Variants in SH3PXD2B observed in about 807,000 individuals in gnomAD.
SH3PXD2B encodes the protein SH3 and PX domain-containing protein 2B.
In SH3PXD2B, 37 loss-of-function variants were observed where a neutral mutation model predicts 73.1. The observed-to-expected ratio is 0.51, with a 90% CI of 0.39 to 0.67. The LOEUF is 0.67. Among genes scored for constraint, SH3PXD2B ranks in the 30% least tolerant of loss-of-function variants. The pLI, the probability that SH3PXD2B is intolerant of heterozygous loss-of-function variation, is 0.00. For synonymous variants in SH3PXD2B, 457 were observed against 480.5 expected, an observed-to-expected ratio of 0.95 and a Z score of 0.64; for missense variants, 1,053 against 1,197.8, an observed-to-expected ratio of 0.88 and a Z score of 1.78.
intron 2 of SH3PXD2B, among the ~76,000 whole-genome samples, chr5:172,413,961 G>C (rs115363566): frequency 0.011 from 1,615 of 152,302 alleles, 35 homozygotes; most frequent in African/African-American, 0.037. Context: ...TGCTGGGAAG[G>C]CTTCCCGGCC....
chr5:172,339,930 T>C lies in SH3PXD2B; in HGVS notation c.1189-14A>G. 1 of 1,614,148 alleles carries C rather than the reference T, an allele frequency of 6.2e-7. No homozygotes were observed. Among genetic ancestry groups the C allele is most frequent in the African/African-American group, 1.3e-5 (1 of 75,048 alleles). ...TTTCTCGATCACCTGCAAGGGAGGA[T>C]AGAGAAAGGCACTTGGCTACGATGC... is the stretch of plus-strand genomic sequence containing the variant. On this transcript the variant is annotated splice_polypyrimidine_tract_variant and intron_variant, in intron 12 of 12. Coordinates refer to ENST00000311601, the MANE Select transcript of SH3PXD2B (RefSeq NM_001017995.3). The surrounding 1 kb of genome is among the most constrained non-coding windows in gnomAD (Gnocchi z 6.1).
chr5:172,368,987 T>C (rs1757641185), intron 6 of SH3PXD2B, among the ~76,000 whole-genome samples: 1 of 149,328 alleles, frequency 6.7e-6, no homozygotes, highest in Non-Finnish European at 1.5e-5. Flanking sequence ...CACTGCCTCC[T>C]GGGTTCAAGC....
intron 3 of SH3PXD2B, among the ~76,000 whole-genome samples, chr5:172,395,023 C>T (rs986919378): frequency 4.6e-5 from 7 of 152,142 alleles, no homozygotes; most frequent in African/African-American, 1.7e-4. Context: ...GACAAACAGA[C>T]ATGCCCTCAG....
intron 6 of SH3PXD2B, among the ~76,000 whole-genome samples, chr5:172,367,111 A>AT (rs1757547841): frequency 6.8e-6 from 1 of 147,860 alleles, no homozygotes; most frequent in Admixed American, 6.8e-5. Context: ...TAATTTTCGT[A>AT]TTTTTAGTAG....
At chr5:172,368,456 T>TATATATATATATTTTATATATATATAAA (rs1757575273) in intron 6 of SH3PXD2B, among the ~76,000 whole-genome samples, 1 of 42,620 alleles carries the variant, frequency 2.3e-5, no homozygotes, top group Non-Finnish European at 4.4e-5. Context: ...AGAATGCTTA[T>TATATATATATATTTTATATATATATAAA]ATATATATAT....
intron 2 of SH3PXD2B, among the ~76,000 whole-genome samples, chr5:172,411,143 C>T (rs1209418220): frequency 2.6e-5 from 4 of 152,130 alleles, no homozygotes; most frequent in Non-Finnish European, 4.4e-5. Context: ...TTTTGCCTAA[C>T]ACTATCTACT....
intron 8 of SH3PXD2B, among the ~76,000 whole-genome samples, chr5:172,357,097 TAA>T (rs1302961856): frequency 1.6e-4 from 16 of 101,372 alleles, no homozygotes; most frequent in African/African-American, 5.5e-4. Context: ...CCAGCCTGAG[TAA>T]CAGAGTGAGA....
intron 5 of SH3PXD2B, among the ~76,000 whole-genome samples, chr5:172,379,410 C>T (rs1581291053): frequency 6.6e-6 from 1 of 152,058 alleles, no homozygotes; most frequent in Non-Finnish European, 1.5e-5. Context: ...CAGGAAGTGG[C>T]CTTCACCAGG....
rs71609710 is a variant in SH3PXD2B at position 172,377,071 on chromosome 5, G to A, written c.402-3256C>T. 2.6e-3 allele frequency among the ~76,000 whole-genome samples: 402 copies of A among 152,306 alleles called. 1 individual carries two copies. Among genetic ancestry groups the A allele is most frequent in the Non-Finnish European group, 3.8e-3 (257 of 68,012 alleles). ...GAGCCGTGGTCTGGGCTTAAGACCC[G>A]GGCTCCTGCTGAGCCATGCACCCCT... is the stretch of plus-strand genomic sequence containing the variant. On this transcript the variant is annotated intron_variant, in intron 5 of 12. Transcript: ENST00000311601.
At chr5:172,428,783 T>C (rs1245668044) in intron 1 of SH3PXD2B, among the ~76,000 whole-genome samples, 1 of 152,172 alleles carries the variant, frequency 6.6e-6, no homozygotes, top group East Asian at 1.9e-4. Flanking sequence ...TAGGTTCTAA[T>C]TTACAACAAA....
chr5:172,394,109 A>G (rs1020261015), intron 4 of SH3PXD2B, among the ~76,000 whole-genome samples: 2 of 151,984 alleles, frequency 1.3e-5, no homozygotes, highest in Admixed American at 1.3e-4. Context: ...ACACCTGGCT[A>G]ATTTTTGTAT....
intron 4 of SH3PXD2B, among the ~76,000 whole-genome samples, chr5:172,394,289 G>A (rs1334626420): frequency 6.6e-6 from 1 of 152,104 alleles, no homozygotes; most frequent in Non-Finnish European, 1.5e-5. Context: ...TAATAATTAT[G>A]GCAAAAGAGA....
At chr5:172,329,600 C>A (rs1331654708), downstream of SH3PXD2B, among the ~76,000 whole-genome samples, 13 of 137,748 alleles carry the variant, frequency 9.4e-5, no homozygotes, top group African/African-American at 3.3e-4. Context: ...TGCAGTGGCG[C>A]GATCTCGGCT....
At chr5:172,374,196 C>T (rs1395145813) in intron 5 of SH3PXD2B, among the ~76,000 whole-genome samples, 1 of 152,112 alleles carries the variant, frequency 6.6e-6, no homozygotes, top group Non-Finnish European at 1.5e-5. Context: ...TCCCCTAAGC[C>T]ATAGACATGG....
chr5:172,406,538 C>A (rs1417874076), intron 2 of SH3PXD2B, among the ~76,000 whole-genome samples, 186 bp from the exon 3 acceptor site: 1 of 152,134 alleles, frequency 6.6e-6, no homozygotes, highest in Admixed American at 6.6e-5. Context: ...CCCATGAAAA[C>A]AATGTTTATA....
intron 3 of SH3PXD2B, among the ~76,000 whole-genome samples, chr5:172,396,903 T>A (rs538039813): frequency 2.0e-5 from 3 of 151,148 alleles, no homozygotes; most frequent in Non-Finnish European, 4.4e-5. Flanking sequence ...ATCATGCCAT[T>A]GCACTCCAGC....
At chr5:172,342,390 T>C (rs1178628685) in intron 12 of SH3PXD2B, among the ~76,000 whole-genome samples, 3 of 152,152 alleles carry the variant, frequency 2.0e-5, no homozygotes, top group Admixed American at 2.0e-4. Context: ...CAGCGGGTCC[T>C]GTAGAAGGGC....
intron 3 of SH3PXD2B, among the ~76,000 whole-genome samples, chr5:172,400,691 G>C (rs964320879): frequency 3.3e-5 from 5 of 152,238 alleles, no homozygotes; most frequent in Non-Finnish European, 5.9e-5. Flanking sequence ...TTCCCACACA[G>C]AGTTGTGTTA....
At chr5:172,417,807 A>C (rs1263914470) in intron 2 of SH3PXD2B, among the ~76,000 whole-genome samples, 1 of 152,210 alleles carries the variant, frequency 6.6e-6, no homozygotes, top group African/African-American at 2.4e-5. Context: ...TATACTTCAC[A>C]TACCATAAAA....
Sources: allele counts gnomAD v4.1 joint callset (sites outside exome capture counted in the v4.1 genomes callset), GRCh38; gene constraint gnomAD v4.1.1; non-coding constraint Gnocchi (gnomAD v3.1); transcripts MANE v1.5; gene names NCBI Gene and HGNC (gene_info 2026-07-23, HGNC 2026-07-21).